GRM5: variants seen among roughly 807,000 people sequenced by gnomAD.
The protein encoded by GRM5 is glutamate metabotropic receptor 5.
GRM5 carries 19 observed loss-of-function variants against 83.1 expected under a neutral mutation model. The observed-to-expected ratio is 0.23, with a 90% CI of 0.16 to 0.34. GRM5 has a LOEUF of 0.34. GRM5 is among the 10% of genes least tolerant of loss of function. GRM5 has a pLI of 1.00. For missense variants in GRM5, 1,160 were observed against 1,588.3 expected (o/e 0.73, Z 4.58); for synonymous variants, 675 against 633.6 (o/e 1.07, Z -0.98).
At chr11:88,532,252 T>C (rs1942029490) in intron 8 of GRM5, among the ~76,000 whole-genome samples, 2 of 152,132 alleles carry the variant, frequency 1.3e-5, no homozygotes, top group African/African-American at 4.8e-5. Context: ...ATGCATCCCA[T>C]TTACAAAGCA....
chr11:88,543,382 C>T (rs534964553), intron 8 of GRM5, among the ~76,000 whole-genome samples: 1 of 152,246 alleles, frequency 6.6e-6, no homozygotes. Flanking sequence ...TGGGTGCAAG[C>T]TGACTGCCTT....
rs1445233988 is a variant in GRM5 at position 88,972,145 on chromosome 11, T to C, written c.661+75067A>G. On this transcript the variant is annotated intron_variant, in intron 2 of 9. Coordinates refer to ENST00000305447, the MANE Select transcript of GRM5 (RefSeq NM_001143831.3). ...GGTTAGCATGACCATAAACCATAAA[T>C]GACATCTCCGACCAGAAACATTCGA... Among the ~76,000 whole-genome samples the C allele has an allele frequency of 3.9e-5, 6 of 152,078 alleles. No individual in the cohort carries two copies. The East Asian group carries it at 5.8e-4, about 15-fold the overall frequency.
At chr11:89,008,630 G>A (rs551633833) in intron 2 of GRM5, among the ~76,000 whole-genome samples, 6 of 152,176 alleles carry the variant, frequency 3.9e-5, no homozygotes, top group East Asian at 1.9e-4. Context: ...TGGTTTCATC[G>A]TAAGGTTAAG....
intron 2 of GRM5, among the ~76,000 whole-genome samples, chr11:88,870,792 G>C (rs568553379): frequency 6.6e-6 from 1 of 151,606 alleles, no homozygotes; most frequent in African/African-American, 2.4e-5. Flanking sequence ...GGGTGTACGT[G>C]TAAAAATGAG....
intron 2 of GRM5, among the ~76,000 whole-genome samples, chr11:88,891,957 C>T (rs1945152225): frequency 6.6e-6 from 1 of 151,988 alleles, no homozygotes; most frequent in African/African-American, 2.4e-5. Flanking sequence ...TATTGCTGAT[C>T]CTTATTTTGT....
chr11:88,721,047 AAGTAC>A (rs1272901428), intron 3 of GRM5, among the ~76,000 whole-genome samples: 1 of 152,028 alleles, frequency 6.6e-6, no homozygotes, highest in African/African-American at 2.4e-5. Flanking sequence ...GTGTGATTTT[AAGTAC>A]ATTCTTTAAC....
chr11:89,045,469 C>T (rs1381793095), intron 2 of GRM5, among the ~76,000 whole-genome samples: 1 of 151,936 alleles, frequency 6.6e-6, no homozygotes, highest in Non-Finnish European at 1.5e-5. Flanking sequence ...ACAGAAATGC[C>T]CCTTGTTTTA....
intron 2 of GRM5, among the ~76,000 whole-genome samples, chr11:88,995,446 G>A (rs1443110945): frequency 2.0e-5 from 3 of 149,236 alleles, no homozygotes; most frequent in African/African-American, 5.0e-5. Context: ...TAGGGAGGCC[G>A]AGGCAGAAGA....
intron 2 of GRM5, among the ~76,000 whole-genome samples, chr11:88,890,112 AACATCCCC>A (rs59391543): frequency 1.2e-4 from 18 of 150,320 alleles, no homozygotes; most frequent in Non-Finnish European, 2.1e-4. Context: ...AAGATATGGA[AACATCCCC>A]ACATCCCCAC....
At chr11:88,705,442 T>C (rs1160967904) in intron 3 of GRM5, among the ~76,000 whole-genome samples, 1 of 152,082 alleles carries the variant, frequency 6.6e-6, no homozygotes, top group Non-Finnish European at 1.5e-5. Context: ...TAAAAACAGA[T>C]GCTAGAAGTA....
intron 3 of GRM5, among the ~76,000 whole-genome samples, chr11:88,703,658 A>G (rs1414135056): frequency 2.0e-5 from 3 of 152,038 alleles, no homozygotes; most frequent in African/African-American, 4.8e-5. Flanking sequence ...TATTCTTGTG[A>G]TAATCAGTAT....
chr11:88,720,245 T>A (rs2135393944), intron 3 of GRM5, among the ~76,000 whole-genome samples: 1 of 152,228 alleles, frequency 6.6e-6, no homozygotes, highest in East Asian at 1.9e-4. Flanking sequence ...TTTTGAATAT[T>A]GTTTTGACAA....
At chr11:88,672,573 GA>G (rs1591430529) in intron 3 of GRM5, among the ~76,000 whole-genome samples, 1 of 151,858 alleles carries the variant, frequency 6.6e-6, no homozygotes, top group East Asian at 1.9e-4. Context: ...TCAAAGAGCT[GA>G]CAATTGGTGA....
intron 3 of GRM5, among the ~76,000 whole-genome samples, chr11:88,662,618 T>C (rs1939936803): frequency 6.6e-6 from 1 of 152,090 alleles, no homozygotes; most frequent in African/African-American, 2.4e-5. Flanking sequence ...ATAAATCTGA[T>C]CTAACTAGGT....
At chr11:88,902,276 C>T (rs1425158134) in intron 2 of GRM5, among the ~76,000 whole-genome samples, 1 of 151,636 alleles carries the variant, frequency 6.6e-6, no homozygotes, top group Non-Finnish European at 1.5e-5. Context: ...TTAAATCTTA[C>T]CTTTGCTACT....
At chr11:88,723,659 T>A (rs1532548) in intron 3 of GRM5, among the ~76,000 whole-genome samples, 1 of 151,916 alleles carries the variant, frequency 6.6e-6, no homozygotes, top group Non-Finnish European at 1.5e-5. Flanking sequence ...CTTTTCACTG[T>A]GGAACATTCC....
chr11:89,023,902 A>G (rs193292808), intron 2 of GRM5, among the ~76,000 whole-genome samples: 2 of 148,904 alleles, frequency 1.3e-5, no homozygotes, highest in Middle Eastern at 3.6e-3. Context: ...AATAAAAATA[A>G]ATTTTAAAAT....
intron 2 of GRM5, among the ~76,000 whole-genome samples, chr11:88,923,821 T>C (rs577579176): frequency 7.0e-6 from 1 of 143,112 alleles, no homozygotes; most frequent in Admixed American, 6.9e-5. Flanking sequence ...CCCATGAATA[T>C]ATATATTCGT....
chr11:88,816,119 A>G (rs1382205108), intron 3 of GRM5, among the ~76,000 whole-genome samples: 1 of 143,776 alleles, frequency 7.0e-6, no homozygotes, highest in Non-Finnish European at 1.5e-5. Context: ...AGGCTGAGGC[A>G]GGAGAATGGC....
Sources: allele counts gnomAD v4.1 joint callset (sites outside exome capture counted in the v4.1 genomes callset), GRCh38; gene constraint gnomAD v4.1.1; transcripts MANE v1.5; gene names NCBI Gene and HGNC (gene_info 2026-07-23, HGNC 2026-07-21).